Variants in MLLT10 observed in about 807,000 individuals in gnomAD.
The protein encoded by MLLT10 is protein AF-10.
A neutral mutation model predicts 129.1 loss-of-function variants in MLLT10; 30 were observed. The ratio of observed to expected loss-of-function variants is 0.23; its 90% CI spans 0.17 to 0.32. The LOEUF is 0.32. Among genes scored for constraint, MLLT10 ranks in the 10% least tolerant of loss-of-function variants. The probability of loss-of-function intolerance (pLI) is 1.00; values close to 1 mark genes in which losing one functional copy is unlikely to be tolerated. For synonymous variants in MLLT10, 490 were observed against 446.4 expected (o/e 1.10, Z -1.23); for missense variants, 1,119 against 1,268.3 (o/e 0.88, Z 1.79).
At chr10:21,647,297 C>A (rs936635658) in intron 8 of MLLT10, among the ~76,000 whole-genome samples, 1 of 151,960 alleles carries the variant, frequency 6.6e-6, no homozygotes, top group African/African-American at 2.4e-5. Context: ...TCTTTGTACA[C>A]CTTGTTAGAT....
chr10:21,608,260 C>T (rs369367138), intron 5 of MLLT10, among the ~76,000 whole-genome samples: 13 of 151,726 alleles, frequency 8.6e-5, no homozygotes, highest in East Asian at 5.8e-4. Flanking sequence ...TTATTGATCT[C>T]CTGGGCTCAA....
At chr10:21,564,031 C>G (rs891018520) in intron 3 of MLLT10, among the ~76,000 whole-genome samples, 5 of 152,164 alleles carry the variant, frequency 3.3e-5, no homozygotes, top group Admixed American at 3.3e-4. Context: ...CCAGGATGGT[C>G]TCGATCTCCT....
intron 13 of MLLT10, among the ~76,000 whole-genome samples, chr10:21,697,099 C>CAAAAAA (rs1163740638): frequency 3.4e-4 from 28 of 82,650 alleles, no homozygotes; most frequent in African/African-American, 9.6e-4. Context: ...CTGATTTAAG[C>CAAAAAA]AAAAAAAAAA....
intron 3 of MLLT10, among the ~76,000 whole-genome samples, chr10:21,547,195 T>C (rs1314546866): frequency 6.6e-6 from 1 of 152,062 alleles, no homozygotes; most frequent in Non-Finnish European, 1.5e-5. Context: ...TTTTTTTAAT[T>C]CTCTGCTGAT....
intron 13 of MLLT10, among the ~76,000 whole-genome samples, chr10:21,683,727 C>T (rs894044347): frequency 1.3e-5 from 2 of 151,190 alleles, no homozygotes; most frequent in East Asian, 1.9e-4. Flanking sequence ...GCTTTTCTTT[C>T]GAAATTTTTT....
intron 3 of MLLT10, among the ~76,000 whole-genome samples, chr10:21,572,541 G>A (rs1381701272): frequency 6.6e-6 from 1 of 151,946 alleles, no homozygotes; most frequent in African/African-American, 2.4e-5. Context: ...ATTTATTTAG[G>A]TCTTTTTTGC....
chr10:21,594,064 C>T (rs1269951009), intron 4 of MLLT10, among the ~76,000 whole-genome samples: 1 of 149,728 alleles, frequency 6.7e-6, no homozygotes, highest in South Asian at 2.1e-4. Context: ...GGATTACCTT[C>T]GTCAAATTTC....
At chr10:21,712,095 G>A (rs971503810) in intron 13 of MLLT10, among the ~76,000 whole-genome samples, 3 of 152,124 alleles carry the variant, frequency 2.0e-5, no homozygotes, top group Non-Finnish European at 4.4e-5. Flanking sequence ...AAAAGATCCC[G>A]ACGCCTTAAT....
intron 9 of MLLT10, chr10:21,669,127 C>T (rs1479581013): frequency 3.3e-6 from 4 of 1,228,902 alleles, no homozygotes; most frequent in South Asian, 1.4e-5. Flanking sequence ...TTTAAACTTA[C>T]TTTGAAACGT....
chr10:21,726,231 T>G lies in MLLT10; in HGVS notation c.1879-13T>G. 3 of 1,508,886 alleles carry G rather than the reference T, an allele frequency of 2.0e-6. No homozygotes were observed. Among genetic ancestry groups the G allele is most frequent in the Non-Finnish European group, 2.7e-6 (3 of 1,094,234 alleles). 93.5% of individuals were successfully genotyped at this position (1,508,886 alleles called of 1,614,324 possible). On this transcript the variant is annotated splice_polypyrimidine_tract_variant and intron_variant, in intron 14 of 22. Coordinates refer to ENST00000307729, the MANE Select transcript of MLLT10 (RefSeq NM_001195626.3). Reference sequence around the variant, plus strand: ...CATATAATTCATTTATCATTGTAATTTTTTCCATTTAGGCAAATACTCTAT... The same window carrying G: ...CATATAATTCATTTATCATTGTAATGTTTTCCATTTAGGCAAATACTCTAT...
chr10:21,593,485 A>G (rs1382076146), intron 4 of MLLT10, among the ~76,000 whole-genome samples: 1 of 152,142 alleles, frequency 6.6e-6, no homozygotes, highest in Non-Finnish European at 1.5e-5. Flanking sequence ...TGTGTACTTG[A>G]TCATAGTAAG....
intron 9 of MLLT10, among the ~76,000 whole-genome samples, chr10:21,668,525 T>G (rs2051069146): frequency 6.6e-6 from 1 of 152,152 alleles, no homozygotes; most frequent in Non-Finnish European, 1.5e-5. Context: ...AAAGCTAAAA[T>G]TCATTTTTTT....
intron 4 of MLLT10, among the ~76,000 whole-genome samples, chr10:21,592,799 C>G (rs2042638991): frequency 6.6e-6 from 1 of 152,050 alleles, no homozygotes; most frequent in Non-Finnish European, 1.5e-5. Context: ...TGGTGTATGT[C>G]TTTATTTACT....
chr10:21,636,176 A>G (rs1027902354), intron 8 of MLLT10, among the ~76,000 whole-genome samples: 2 of 152,096 alleles, frequency 1.3e-5, no homozygotes, highest in African/African-American at 2.4e-5. Flanking sequence ...ACTGCAGTGC[A>G]GTGGCATGAT....
chr10:21,556,591 C>T (rs1485411640), intron 3 of MLLT10: 23 of 1,427,686 alleles, frequency 1.6e-5, no homozygotes, highest in Non-Finnish European at 2.0e-5. Flanking sequence ...AGGTGAGAGC[C>T]AGTTACGCGT....
Position 21,556,603 on chromosome 10 carries a change from A to C in MLLT10, c.240+17691A>C, listed in dbSNP as rs749635103. On this transcript the variant is annotated intron_variant, in intron 3 of 22. Coordinates refer to ENST00000307729, the MANE Select transcript of MLLT10 (RefSeq NM_001195626.3). ...GGCAGGTGAGAGCCAGTTACGCGTT[A>C]GTATGTAGTGAATAAGGGATTGTTT... is the stretch of plus-strand genomic sequence containing the variant. The C allele has an allele frequency of 4.0e-6, 6 of 1,516,678 alleles. No individual in the cohort carries two copies. In the East Asian group the frequency reaches 1.4e-4, roughly 35 times the overall value. 94.0% of individuals were successfully genotyped at this position (1,516,678 alleles called of 1,614,324 possible).
intron 3 of MLLT10, chr10:21,556,916 T>C (rs1253976619): frequency 1.9e-6 from 3 of 1,550,318 alleles, no homozygotes; most frequent in Non-Finnish European, 2.6e-6. Flanking sequence ...AGTTGTCATT[T>C]GGCGTTTCAA....
intron 9 of MLLT10, among the ~76,000 whole-genome samples, chr10:21,663,047 C>T (rs1298385233): frequency 6.6e-6 from 1 of 152,160 alleles, no homozygotes; most frequent in Non-Finnish European, 1.5e-5. Context: ...AGTTAAATAG[C>T]AGGCCTTGTT....
intron 3 of MLLT10, among the ~76,000 whole-genome samples, chr10:21,561,977 T>C (rs2038872177): frequency 6.6e-6 from 1 of 152,104 alleles, no homozygotes; most frequent in Admixed American, 6.6e-5. Flanking sequence ...AGCTAATCTT[T>C]GTATTTTTAG....
Sources: gnomAD v4.1 joint callset for allele counts (sites outside exome capture counted in the v4.1 genomes callset) on GRCh38, gnomAD v4.1.1 for gene constraint, MANE v1.5 for transcripts, NCBI Gene and HGNC (gene_info 2026-07-23, HGNC 2026-07-21) for gene names.